EP400: variants seen among roughly 807,000 people sequenced by gnomAD.
The protein encoded by EP400 is E1A-binding protein p400.
Under a neutral mutation model 354.1 loss-of-function variants are expected in EP400, and 105 were observed. That is an observed-to-expected ratio of 0.30 (90% CI 0.25 to 0.35). The LOEUF (loss-of-function observed/expected upper bound fraction) is 0.35. EP400 is among the 10% of genes least tolerant of loss of function. The pLI, the probability that EP400 is intolerant of heterozygous loss-of-function variation, is 1.00. For synonymous variants in EP400, 1,646 were observed against 1,716.9 expected (o/e 0.96, Z 1.02); for missense variants, 3,280 against 4,121.0 (o/e 0.80, Z 5.59).
intron 12 of EP400, among the ~76,000 whole-genome samples, chr12:132,002,461 CT>C (rs1291420099): frequency 2.7e-5 from 3 of 110,774 alleles, no homozygotes; most frequent in Non-Finnish European, 5.2e-5. Context: ...GCGCTGTATA[CT>C]CTGTGGGGCA....
chr12:131,998,415 T>C (rs138048065), intron 12 of EP400, among the ~76,000 whole-genome samples: 244 of 152,284 alleles, frequency 1.6e-3, no homozygotes, highest in African/African-American at 5.7e-3. Flanking sequence ...GATCAAAATA[T>C]AGTTCTCCCC....
At chr12:131,956,381 C>A (rs1422130382) in intron 1 of EP400, among the ~76,000 whole-genome samples, 1 of 152,098 alleles carries the variant, frequency 6.6e-6, no homozygotes, top group Non-Finnish European at 1.5e-5. Flanking sequence ...CTGCTTTTTT[C>A]ACTTAATGTA....
chr12:132,008,681 A>G (rs956059283), intron 15 of EP400, among the ~76,000 whole-genome samples: 1 of 151,500 alleles, frequency 6.6e-6, no homozygotes, highest in Non-Finnish European at 1.5e-5. Context: ...CCTGGGCTCA[A>G]GAGGATCGCT....
Position 132,006,774 on chromosome 12 carries a change from C to T in EP400, c.3201C>T (p.Ala1067=), listed in dbSNP as rs1394791239. 2 of 1,614,076 alleles carry T rather than the reference C, an allele frequency of 1.2e-6. No homozygotes were observed. The highest frequency in any genetic ancestry group is 1.7e-5 in the Admixed American group (1 of 59,988). ...AGAAGATTGGCCTGGACTGGCTGGC[C>T]AAACTTTACAGGAAGAATCTCAATG... The part of the protein sequence containing the change: ...DYQKIGLDWL[A]KLYRKNLNGI... Residue 1067 remains alanine, a synonymous_variant, in exon 15 of 53, where the codon GCC becomes GCT. Coordinates refer to ENST00000389561, the MANE Select transcript of EP400 (RefSeq NM_015409.5).
chr12:132,045,578 TTG>T lies in EP400; in HGVS notation c.7026+21_7026+22del. 2 of 1,613,024 alleles carry T rather than the reference TTG, an allele frequency of 1.2e-6. No homozygotes were observed. The highest frequency in any genetic ancestry group is 1.7e-4 in the Middle Eastern group (1 of 6,016). ...TGCTGCAGGTAGGTGGGCGTGGTCT[TTG>T]TGCCAGCGGTCATGTGCGGTCATTT... is the stretch of plus-strand genomic sequence containing the variant. On this transcript the variant is annotated intron_variant, in intron 38 of 52. Coordinates refer to ENST00000389561, the MANE Select transcript of EP400 (RefSeq NM_015409.5).
Position 131,991,454 on chromosome 12 carries a change from C to T in EP400, c.2677C>T (p.Leu893=), listed in dbSNP as rs773438145. The part of the protein sequence containing the change: ...KGFDALQESS[L]DSGMSGRKRK... ...ATTTGACGCATTACAGGAAAGTTCT[C>T]TGGTAAGTTTGGGGTTGTTACTGTG... Residue 893 remains leucine, a splice_region_variant and synonymous_variant, in exon 10 of 53, where the codon CTG becomes TTG. Coordinates refer to ENST00000389561, the MANE Select transcript of EP400 (RefSeq NM_015409.5). 6 of 1,614,024 alleles carry T rather than the reference C, an allele frequency of 3.7e-6. No homozygotes were observed. Among genetic ancestry groups the T allele is most frequent in the East Asian group, 2.2e-5 (1 of 44,882 alleles).
rs1310712269 is a variant in EP400 at position 132,028,091 on chromosome 12, T to A, written c.5184T>A (p.Ala1728=). 6.2e-7 allele frequency: 1 copy of A among 1,614,058 alleles called. No individual in the cohort carries two copies. The highest frequency in any genetic ancestry group is 8.5e-7 in the Non-Finnish European group (1 of 1,180,032). Residue 1728 remains alanine, a synonymous_variant, in exon 27 of 53, where the codon GCT becomes GCA. Transcript: ENST00000389561. ...TCAACGAGCGGCGCTGTTCTCAAGC[T>A]CCAGTCTATGGCAGAGACTTGCTAA... ...YLVNERRCSQ[A]PVYGRDLLRI...
rs2136508241 is a variant in EP400 at position 131,994,500 on chromosome 12, G to C, written c.2738-367G>C. The stretch of plus-strand genomic sequence containing the variant: ...GGAGAGTCAAGGAGAGTGTTAGGCT[G>C]ATGTGGCTGGGCCTCGTGAGATGGG... On this transcript the variant is annotated intron_variant, in intron 11 of 52. Coordinates refer to ENST00000389561, the MANE Select transcript of EP400 (RefSeq NM_015409.5). The surrounding 1 kb of genome is among the most constrained non-coding windows in gnomAD (Gnocchi z 4.6). 6.6e-6 allele frequency among the ~76,000 whole-genome samples: 1 copy of C among 152,224 alleles called. No individual in the cohort carries two copies. Among genetic ancestry groups the C allele is most frequent in the African/African-American group, 2.4e-5 (1 of 41,540 alleles).
Position 131,981,697 on chromosome 12 carries a change from G to C in EP400, c.1543+101G>C, listed in dbSNP as rs529574499. The C allele has an allele frequency of 1.0e-4, 98 of 964,964 alleles. No homozygotes were observed. The South Asian group carries it at 1.3e-3, about 13-fold the overall frequency. 59.8% of individuals were successfully genotyped at this position (964,964 alleles called of 1,614,324 possible). A position where few individuals can be genotyped will look rare whatever the true frequency, so the allele number is the denominator to read the frequency against. ...CTCAGACTTGGGCAGTGGAGGTAGC[G>C]TGTTTGCAGTGGGGTGCCTGAAATT... On this transcript the variant is annotated intron_variant, in intron 4 of 52. Coordinates refer to ENST00000389561, the MANE Select transcript of EP400 (RefSeq NM_015409.5).
At chr12:132,036,964 A>AT (rs1208027564) in intron 30 of EP400, among the ~76,000 whole-genome samples, 1 of 152,014 alleles carries the variant, frequency 6.6e-6, no homozygotes, top group African/African-American at 2.4e-5. Flanking sequence ...TTAATTTGGA[A>AT]TTTTCTGAAA....
At chr12:131,955,339 A>G (rs900264732) in intron 1 of EP400, among the ~76,000 whole-genome samples, 26 of 151,700 alleles carry the variant, frequency 1.7e-4, no homozygotes, top group African/African-American at 5.3e-4. Context: ...CTGGAGTGCA[A>G]TGGTGTGATC....
rs752796785 is a variant in EP400, at chr12:131,961,160, A to G, written c.541A>G (p.Ser181Gly). Reference protein sequence around the residue: ...VDASVLVRQISLSPSSGGHFV... With the variant: ...VDASVLVRQIGLSPSSGGHFV... Reference sequence around the variant, plus strand: ...TGCCAGCGTGCTGGTGAGGCAGATCAGCTTGAGCCCCTCCAGTGGTGGACA... The same window carrying G: ...TGCCAGCGTGCTGGTGAGGCAGATCGGCTTGAGCCCCTCCAGTGGTGGACA... The change falls in exon 2 of 53, where the codon AGC becomes GGC. Residue 181 changes from serine to glycine, a missense_variant. Transcript: ENST00000389561. 19 of 1,606,158 alleles carry G rather than the reference A, an allele frequency of 1.2e-5. No homozygotes were observed. In the South Asian group the frequency reaches 1.9e-4, roughly 16 times the overall value.
chr12:132,013,270 A>G lies in EP400; in HGVS notation c.3611+92A>G, dbSNP rs1893823232. 4.1e-6 allele frequency: 6 copies of G among 1,475,258 alleles called. No individual in the cohort carries two copies. The highest frequency in any genetic ancestry group is 5.4e-6 in the Non-Finnish European group (6 of 1,102,430). 91.4% of individuals were successfully genotyped at this position (1,475,258 alleles called of 1,614,324 possible). A position where few individuals can be genotyped will look rare whatever the true frequency, so the allele number is the denominator to read the frequency against. On this transcript the variant is annotated intron_variant, in intron 17 of 52. Transcript: ENST00000389561. This position sits in a 1 kb window ranked among gnomAD's most constrained non-coding sequence, Gnocchi z 4.5. ...ATCTGCATAATTGCAGACACAAACAATGGCCTTTGAGCTAGAGAATTGCTT... is the reference window on the plus strand; with the variant it reads ...ATCTGCATAATTGCAGACACAAACAGTGGCCTTTGAGCTAGAGAATTGCTT...
At chr12:132,019,031 C>T (rs1470981045) in intron 21 of EP400, among the ~76,000 whole-genome samples, 2 of 152,172 alleles carry the variant, frequency 1.3e-5, no homozygotes, top group African/African-American at 2.4e-5. Context: ...TTTGGCTTCA[C>T]TGGGGACTTT....
chr12:132,004,708 G>A (rs1234978524), intron 12 of EP400, among the ~76,000 whole-genome samples: 2 of 152,032 alleles, frequency 1.3e-5, no homozygotes, highest in African/African-American at 4.8e-5. Flanking sequence ...TAAATTTCAG[G>A]GGTGCAAGTA....
chr12:131,967,512 A>T (rs1892142460), intron 2 of EP400, among the ~76,000 whole-genome samples: 1 of 151,708 alleles, frequency 6.6e-6, no homozygotes, highest in Non-Finnish European at 1.5e-5. Flanking sequence ...ACATAGTGAA[A>T]CCCCATCTCT....
chr12:131,950,350 C>A (rs1302055690), intron 1 of EP400, among the ~76,000 whole-genome samples: 2 of 152,122 alleles, frequency 1.3e-5, no homozygotes, highest in Admixed American at 1.3e-4. Context: ...GGCGCGGCGG[C>A]GTTGCGGGAA....
At chr12:131,968,156 T>C (rs923284015) in intron 2 of EP400, among the ~76,000 whole-genome samples, 1 of 152,214 alleles carries the variant, frequency 6.6e-6, no homozygotes, top group African/African-American at 2.4e-5. Context: ...TTTGATGCCA[T>C]ATCTAAGAGC....
chr12:132,050,967 C>T lies in EP400; in HGVS notation c.7394+312C>T. 1 of 489,506 alleles carries T rather than the reference C, an allele frequency of 2.0e-6. No homozygotes were observed. The highest frequency in any genetic ancestry group is 3.7e-6 in the Non-Finnish European group (1 of 269,788). 30.3% of individuals were successfully genotyped at this position (489,506 alleles called of 1,614,324 possible). ...ACCACAAGGGGCTTTCTTCCTCACA[C>T]CCCACCTCTCAGGCACTGATTTTGT... On this transcript the variant is annotated intron_variant, in intron 41 of 52. Coordinates refer to ENST00000389561, the MANE Select transcript of EP400 (RefSeq NM_015409.5). This position sits in a 1 kb window ranked among gnomAD's most constrained non-coding sequence, Gnocchi z 4.8.
Sources: allele counts gnomAD v4.1 joint callset (sites outside exome capture counted in the v4.1 genomes callset), GRCh38; gene constraint gnomAD v4.1.1; non-coding constraint Gnocchi (gnomAD v3.1); transcripts MANE v1.5; gene names NCBI Gene and HGNC (gene_info 2026-07-23, HGNC 2026-07-21).